Variants in DSCAM observed in about 807,000 individuals in gnomAD.
DSCAM encodes cell adhesion molecule DSCAM.
A neutral mutation model predicts 217.7 loss-of-function variants in DSCAM; 47 were observed. The ratio of observed to expected loss-of-function variants is 0.22; its 90% confidence interval spans 0.17 to 0.28. The LOEUF is 0.28. DSCAM is among the 10% of genes least tolerant of loss of function. The probability of loss-of-function intolerance (pLI) is 1.00; values close to 1 mark genes in which losing one functional copy is unlikely to be tolerated. For missense variants in DSCAM, 2,080 were observed against 2,618.3 expected, an observed-to-expected ratio of 0.79 and a Z score of 4.49; for synonymous variants, 1,056 against 1,015.3, an observed-to-expected ratio of 1.04 and a Z score of -0.76.
At chr21:40,450,385 T>G (rs2075708873) in intron 3 of DSCAM, among the ~76,000 whole-genome samples, 1 of 152,182 alleles carries the variant, frequency 6.6e-6, no homozygotes, top group Admixed American at 6.5e-5. Context: ...CTGTTTGCCT[T>G]CAAATTCTGG....
rs367690354 is a variant in DSCAM, at chr21:40,708,613, C to A, written c.202G>T (p.Asp68Tyr). 1.2e-6 allele frequency: 2 copies of A among 1,612,058 alleles called. No homozygotes were observed. Among genetic ancestry groups the A allele is most frequent in the Non-Finnish European group, 8.5e-7 (1 of 1,179,168 alleles). ...WYLATGEEIY[D>Y]VPGIRHVHPN... ...TGGACGTGGCGGATCCCGGGGACAT[C>A]GTAGATCTCCTCGCCCGTGGCTAGG... The change falls in exon 2 of 33, where the codon GAT (aspartate) becomes TAT (tyrosine). Residue 68 changes from aspartate to tyrosine, a missense_variant. This residue lies in a region of DSCAM where 568 missense variants were observed against 678.1 expected (regional missense o/e 0.84). Coordinates refer to ENST00000400454, the MANE Select transcript of DSCAM (RefSeq NM_001389.5).
intron 11 of DSCAM, among the ~76,000 whole-genome samples, chr21:40,255,863 A>T (rs73368179): frequency 0.045 from 6,786 of 152,274 alleles, 398 homozygotes; most frequent in East Asian, 0.22. Flanking sequence ...GCCCACAGTC[A>T]GAAAGAGCCA....
chr21:40,458,754 A>C (rs1473290832), intron 3 of DSCAM, among the ~76,000 whole-genome samples: 1 of 152,156 alleles, frequency 6.6e-6, no homozygotes, highest in East Asian at 1.9e-4. Context: ...AAGGACAGAT[A>C]ATTCATATTC....
chr21:40,285,513 C>T (rs894346251), intron 10 of DSCAM, among the ~76,000 whole-genome samples: 10 of 152,180 alleles, frequency 6.6e-5, no homozygotes, highest in Non-Finnish European at 1.5e-4. Flanking sequence ...CCCAGGGCCA[C>T]TGAGATGCTG....
chr21:40,708,098 G>A, intron 2 of DSCAM, among the ~76,000 whole-genome samples: 1 of 150,398 alleles, frequency 6.6e-6, no homozygotes, highest in East Asian at 2.0e-4. Context: ...CCTCCCCTAG[G>A]ATGGGGTAGG....
intron 3 of DSCAM, among the ~76,000 whole-genome samples, chr21:40,468,707 C>G (rs543428137): frequency 2.6e-5 from 4 of 152,096 alleles, no homozygotes; most frequent in African/African-American, 9.6e-5. Context: ...TCTGGCTAAA[C>G]TGAAACAGAT....
At chr21:40,056,581 A>G (rs2089029092) in intron 28 of DSCAM, among the ~76,000 whole-genome samples, 1 of 152,220 alleles carries the variant, frequency 6.6e-6, no homozygotes, top group Admixed American at 6.5e-5. Flanking sequence ...AATCTAAAAA[A>G]GTCAATAAAG....
In DSCAM at chr21:40,301,607, C is replaced by CACTCATCT. The variant is rs2074015351; in HGVS notation, c.2063-5434_2063-5433insAGATGAGT. 3.9e-5 allele frequency among the ~76,000 whole-genome samples: 6 copies of CACTCATCT among 152,300 alleles called. 1 individual carries two copies. Among genetic ancestry groups the CACTCATCT allele is most frequent in the East Asian group, 1.9e-4 (1 of 5,184 alleles). On this transcript the variant is annotated intron_variant, in intron 9 of 32. Coordinates refer to ENST00000400454, the MANE Select transcript of DSCAM (RefSeq NM_001389.5). Reference sequence around the variant, plus strand: ...TAATTACTTACCATAGCCTTTATTACGCTCATCTGGTATTGCTGTTTAACA... The same window carrying CACTCATCT: ...TAATTACTTACCATAGCCTTTATTACACTCATCTGCTCATCTGGTATTGCTGTTTAACA...
chr21:40,836,164 C>T (rs1345180163), intron 1 of DSCAM, among the ~76,000 whole-genome samples: 1 of 152,158 alleles, frequency 6.6e-6, no homozygotes, highest in Non-Finnish European at 1.5e-5. Context: ...AGTAGAGTTA[C>T]CCAAATGGTT....
At chr21:40,637,128 TAA>T (rs1404867341) in intron 3 of DSCAM, among the ~76,000 whole-genome samples, 7 of 61,852 alleles carry the variant, frequency 1.1e-4, no homozygotes, top group Admixed American at 3.3e-4. Context: ...TATATATATA[TAA>T]ATATATAAAT....
intron 3 of DSCAM, among the ~76,000 whole-genome samples, chr21:40,625,048 T>C (rs562822533): frequency 1.8e-4 from 27 of 152,304 alleles, no homozygotes; most frequent in Non-Finnish European, 3.7e-4. Context: ...AAATAGTATA[T>C]ACATTTTGAA....
intron 4 of DSCAM, among the ~76,000 whole-genome samples, chr21:40,363,772 T>C (rs538740520): frequency 9.2e-5 from 14 of 152,170 alleles, no homozygotes; most frequent in East Asian, 3.9e-4. Context: ...ATTTTTGCAA[T>C]CTACTCATCT....
At chr21:40,023,420 T>G (rs2088313502) in intron 32 of DSCAM, among the ~76,000 whole-genome samples, 1 of 151,724 alleles carries the variant, frequency 6.6e-6, no homozygotes, top group African/African-American at 2.4e-5. Flanking sequence ...TATTTCTAGT[T>G]CTAGGTCCCT....
intron 30 of DSCAM, among the ~76,000 whole-genome samples, chr21:40,049,085 T>G (rs2088888212): frequency 6.6e-6 from 1 of 152,034 alleles, no homozygotes; most frequent in Non-Finnish European, 1.5e-5. Context: ...TGCATTTGAG[T>G]AGATTTGCTT....
At chr21:40,480,682 T>C (rs1024821267) in intron 3 of DSCAM, among the ~76,000 whole-genome samples, 4 of 152,230 alleles carry the variant, frequency 2.6e-5, no homozygotes, top group Non-Finnish European at 5.9e-5. Flanking sequence ...TAAGGCCTCG[T>C]GCTGGACTGT....
At chr21:40,775,595 G>C (rs2091480892) in intron 1 of DSCAM, among the ~76,000 whole-genome samples, 1 of 152,164 alleles carries the variant, frequency 6.6e-6, no homozygotes. Context: ...CTCTCTCTGA[G>C]AGCTGGGACA....
intron 4 of DSCAM, among the ~76,000 whole-genome samples, chr21:40,366,337 TA>T (rs1361586878): frequency 6.6e-6 from 1 of 152,122 alleles, no homozygotes; most frequent in African/African-American, 2.4e-5. Context: ...CTATTTGTCT[TA>T]TTCCTTAATA....
chr21:40,503,273 C>T (rs899905681), intron 3 of DSCAM, among the ~76,000 whole-genome samples: 2 of 152,284 alleles, frequency 1.3e-5, no homozygotes, highest in South Asian at 2.1e-4. Flanking sequence ...AAGTCTTCTT[C>T]GAGCATTGCC....
intron 3 of DSCAM, among the ~76,000 whole-genome samples, chr21:40,564,544 T>TAGGGCTGACC (rs2076750608): frequency 6.6e-6 from 1 of 152,162 alleles, no homozygotes; most frequent in African/African-American, 2.4e-5. Flanking sequence ...GGGCATGGAC[T>TAGGGCTGACC]TAGGGCTGAG....
Sources: allele counts gnomAD v4.1 joint callset (sites outside exome capture counted in the v4.1 genomes callset), GRCh38; gene constraint gnomAD v4.1.1; regional missense constraint gnomAD v4.1.1; transcripts MANE v1.5; gene names NCBI Gene and HGNC (gene_info 2026-07-23, HGNC 2026-07-21).